The following DRC8 variants were observed in gnomAD, a reference collection of about 807,000 sequenced individuals.
The protein encoded by DRC8 is dynein regulatory complex protein 8.
chr1:245,083,448 A>T, the DRC8 span: 1 of 1,613,798 alleles, frequency 6.2e-7, no homozygotes, highest in Non-Finnish European at 8.5e-7. Context: ...ATAGATACAG[A>T]CCAATTCCAG....
At chr1:245,064,362 G>T in the DRC8 span, among the ~76,000 whole-genome samples, 1 of 152,162 alleles carries the variant, frequency 6.6e-6, no homozygotes. Flanking sequence ...TCTGTTCTTG[G>T]ATCAAAAGAG....
the DRC8 span, among the ~76,000 whole-genome samples, chr1:245,117,127 A>G: frequency 6.6e-6 from 1 of 152,128 alleles, no homozygotes; most frequent in East Asian, 1.9e-4. Flanking sequence ...ATCTCTGCTC[A>G]CTGCAACCTC....
At chr1:245,118,352 C>T in the DRC8 span, among the ~76,000 whole-genome samples, 1 of 152,182 alleles carries the variant, frequency 6.6e-6, no homozygotes, top group Non-Finnish European at 1.5e-5. Flanking sequence ...GGGAGGGAGC[C>T]AGGTGAGGTT....
the DRC8 span, among the ~76,000 whole-genome samples, chr1:245,077,583 C>G: frequency 5.3e-5 from 8 of 152,240 alleles, no homozygotes; most frequent in African/African-American, 1.9e-4. Context: ...CATAAATGGC[C>G]AGCTAATCCT....
chr1:244,993,029 T>C, the DRC8 span, among the ~76,000 whole-genome samples: 1 of 152,222 alleles, frequency 6.6e-6, no homozygotes, highest in Non-Finnish European at 1.5e-5. Flanking sequence ...ATAGGCCACT[T>C]GACTGTACAT....
At chr1:245,016,324 T>C in the DRC8 span, among the ~76,000 whole-genome samples, 1 of 152,142 alleles carries the variant, frequency 6.6e-6, no homozygotes, top group Non-Finnish European at 1.5e-5. Flanking sequence ...CTTTCTGATC[T>C]TATTTCTTAC....
chr1:245,004,658 A>C, the DRC8 span, among the ~76,000 whole-genome samples: 1 of 152,350 alleles, frequency 6.6e-6, no homozygotes, highest in East Asian at 1.9e-4. Context: ...TCAGAAATAC[A>C]GTAGAAGCTC....
the DRC8 span, among the ~76,000 whole-genome samples, chr1:244,990,245 A>G: frequency 6.6e-6 from 1 of 152,242 alleles, no homozygotes; most frequent in African/African-American, 2.4e-5. Context: ...ACAGTACAAT[A>G]AGATATTTTG....
the DRC8 span, among the ~76,000 whole-genome samples, chr1:244,988,123 G>A: frequency 5.3e-5 from 8 of 152,136 alleles, no homozygotes; most frequent in Non-Finnish European, 1.0e-4. Context: ...CAAATACAGT[G>A]TGAAATTGTT....
the DRC8 span, among the ~76,000 whole-genome samples, chr1:245,114,406 A>T: frequency 5.0e-3 from 761 of 152,110 alleles, 11 homozygotes; most frequent in African/African-American, 0.017. Context: ...CAGAGGTTGC[A>T]GTGAGCTGAG....
the DRC8 span, among the ~76,000 whole-genome samples, chr1:245,094,340 T>C: frequency 6.6e-6 from 1 of 152,204 alleles, no homozygotes. Context: ...TTAGGAACTT[T>C]TTAAGCCTCT....
the DRC8 span, among the ~76,000 whole-genome samples, chr1:245,005,411 T>C: frequency 6.6e-6 from 1 of 151,842 alleles, no homozygotes; most frequent in Non-Finnish European, 1.5e-5. Context: ...AGTGTGGTGG[T>C]GTGATCTCGG....
the DRC8 span, among the ~76,000 whole-genome samples, chr1:244,988,460 T>C: frequency 6.6e-6 from 1 of 152,188 alleles, no homozygotes; most frequent in Non-Finnish European, 1.5e-5. Flanking sequence ...AGGTAAATAA[T>C]ATATTTTTAA....
At chr1:245,062,220 A>G in the DRC8 span, among the ~76,000 whole-genome samples, 1 of 152,234 alleles carries the variant, frequency 6.6e-6, no homozygotes, top group Admixed American at 6.5e-5. Flanking sequence ...TTTAATTTTT[A>G]TAACTTTCAG....
the DRC8 span, among the ~76,000 whole-genome samples, chr1:244,975,123 G>C: frequency 6.6e-6 from 1 of 152,088 alleles, no homozygotes; most frequent in East Asian, 1.9e-4. Context: ...GTAGTGATGG[G>C]GTTTCACCGT....
the DRC8 span, among the ~76,000 whole-genome samples, chr1:245,090,515 A>G: frequency 6.6e-6 from 1 of 152,190 alleles, no homozygotes; most frequent in Non-Finnish European, 1.5e-5. Context: ...TTTCATCCTC[A>G]CATCCACCCA....
the DRC8 span, among the ~76,000 whole-genome samples, chr1:245,070,797 C>T: frequency 5.9e-5 from 9 of 152,268 alleles, no homozygotes; most frequent in Non-Finnish European, 1.2e-4. Context: ...GAGCTTAAAC[C>T]CCAATGAGAT....
chr1:245,065,434 T>C, the DRC8 span, among the ~76,000 whole-genome samples: 5 of 152,210 alleles, frequency 3.3e-5, no homozygotes, highest in Non-Finnish European at 5.9e-5. Context: ...TCTTCCAATA[T>C]TTTTATTGAG....
the DRC8 span, among the ~76,000 whole-genome samples, chr1:244,997,067 G>A: frequency 6.6e-6 from 1 of 152,106 alleles, no homozygotes; most frequent in Non-Finnish European, 1.5e-5. Flanking sequence ...GTATTGTTTA[G>A]GGAATAATGA....
Sources: gnomAD v4.1 joint callset for allele counts (sites outside exome capture counted in the v4.1 genomes callset) on GRCh38, gnomAD v4.1.1 for gene constraint, MANE v1.5 for transcripts, NCBI Gene and HGNC (gene_info 2026-07-23, HGNC 2026-07-21) for gene names.